The following UNC13A variants were observed in gnomAD, a reference collection of about 807,000 sequenced individuals.
UNC13A encodes protein unc-13 homolog A.
A neutral mutation model predicts 219.7 loss-of-function variants in UNC13A; 61 were observed. The observed-to-expected ratio is 0.28, with a 90% CI of 0.23 to 0.34. The LOEUF is 0.34. UNC13A is among the 10% of genes least tolerant of loss of function. The probability of loss-of-function intolerance (pLI) is 1.00; values close to 1 mark genes in which losing one functional copy is unlikely to be tolerated. For synonymous variants in UNC13A, 920 were observed against 884.6 expected, an observed-to-expected ratio of 1.04 and a Z score of -0.71; for missense variants, 1,476 against 2,270.3, an observed-to-expected ratio of 0.65 and a Z score of 7.11.
chr19:17,616,323 A>C, intron 41 of UNC13A: 1 of 653,736 alleles, frequency 1.5e-6, no homozygotes, highest in Middle Eastern at 3.0e-4. Context: ...AGGCAGAAGG[A>C]CGATCCTTTT....
intron 1 of UNC13A, among the ~76,000 whole-genome samples, chr19:17,680,932 G>A (rs1599419780): frequency 1.2e-5 from 1 of 86,264 alleles, no homozygotes; most frequent in African/African-American, 4.7e-5. Flanking sequence ...TCTCTCTGTT[G>A]CCCAGGCTCC....
intron 36 of UNC13A, 182 bp downstream of exon 36, chr19:17,623,360 C>T (rs2144972831): frequency 1.9e-6 from 1 of 524,592 alleles, no homozygotes; most frequent in Non-Finnish European, 3.3e-6. Flanking sequence ...CTCCCTCCCT[C>T]CCAGCCCCGC....
intron 38 of UNC13A, among the ~76,000 whole-genome samples, 190 bp downstream of exon 38, chr19:17,620,503 T>C (rs1426863519): frequency 4.0e-5 from 6 of 151,886 alleles, no homozygotes; most frequent in African/African-American, 1.5e-4. Flanking sequence ...GGGTACCCTC[T>C]GCCCTACCCA....
At chr19:17,640,948 G>T (rs185164323) in intron 21 of UNC13A, among the ~76,000 whole-genome samples, 2 of 146,810 alleles carry the variant, frequency 1.4e-5, no homozygotes, top group Non-Finnish European at 3.0e-5. Context: ...GCGCAATCTC[G>T]GCTCACTGCA....
At chr19:17,634,429 C>A (rs1215816028) in intron 26 of UNC13A, among the ~76,000 whole-genome samples, 2 of 152,056 alleles carry the variant, frequency 1.3e-5, no homozygotes, top group Admixed American at 1.3e-4. Flanking sequence ...ACCTCCACCA[C>A]CCGGGCTCAA....
intron 21 of UNC13A, among the ~76,000 whole-genome samples, chr19:17,640,880 C>CTTTTTTTTT (rs10531732): frequency 1.4e-5 from 2 of 139,756 alleles, no homozygotes; most frequent in Non-Finnish European, 3.1e-5. Context: ...TTCTTTCTTT[C>CTTTTTTTTT]TTTTTTTTTT....
intron 26 of UNC13A, among the ~76,000 whole-genome samples, chr19:17,634,049 C>G (rs2076886484): frequency 6.6e-6 from 1 of 152,160 alleles, no homozygotes; most frequent in African/African-American, 2.4e-5. Flanking sequence ...AACCACTCAT[C>G]TACCTGTTCA....
rs143327781 is a variant in UNC13A at position 17,687,647 on chromosome 19, G to T, written c.22+531C>A. Among the ~76,000 whole-genome samples the T allele has an allele frequency of 1.5e-3, 235 of 152,082 alleles. 1 individual carries two copies. The highest frequency in any genetic ancestry group is 3.1e-3 in the Admixed American group (47 of 15,266). On this transcript the variant is annotated intron_variant, in intron 1 of 43. Coordinates refer to ENST00000519716, the MANE Select transcript of UNC13A (RefSeq NM_001080421.3). ...GGCTGGGAGAGTCCTAGAACTCGTG[G>T]ATGCCCTGATGGCCAAGCCCCTCTA...
chr19:17,649,469 G>T lies in UNC13A; in HGVS notation c.1518+40C>A. On this transcript the variant is annotated intron_variant, in intron 13 of 43. Transcript: ENST00000519716. This position sits in a 1 kb window ranked among gnomAD's most constrained non-coding sequence, Gnocchi z 4.4. Reference sequence around the variant, plus strand: ...CACAGGTTGTGCACTGCTTATAGCAGGCCTGCTCTGCTCAGGGAGTAAAGG... The same window carrying T: ...CACAGGTTGTGCACTGCTTATAGCATGCCTGCTCTGCTCAGGGAGTAAAGG... The T allele has an allele frequency of 6.2e-7, 1 of 1,613,856 alleles. No individual in the cohort carries two copies. The highest frequency in any genetic ancestry group is 8.5e-7 in the Non-Finnish European group (1 of 1,179,790).
At chr19:17,616,120 CTT>C (rs768968412) in intron 41 of UNC13A, among the ~76,000 whole-genome samples, 4 of 152,192 alleles carry the variant, frequency 2.6e-5, no homozygotes, top group Non-Finnish European at 5.9e-5. Context: ...GAGCCCAGCT[CTT>C]AACCTGACAG....
At chr19:17,635,977 A>T in intron 26 of UNC13A, 47 bp downstream of exon 26, 1 of 1,576,328 alleles carries the variant, frequency 6.3e-7, no homozygotes, top group Non-Finnish European at 8.7e-7. Context: ...TTGTATACAT[A>T]CACACGATGA....
intron 9 of UNC13A, among the ~76,000 whole-genome samples, chr19:17,657,781 A>C (rs1420875921): frequency 6.6e-6 from 1 of 151,876 alleles, no homozygotes; most frequent in Non-Finnish European, 1.5e-5. Context: ...AGGCAGGAGA[A>C]TCGCTTGAGT....
At chr19:17,672,339 C>T (rs755063183) in intron 4 of UNC13A, 39 bp downstream of exon 4, 20 of 1,547,182 alleles carry the variant, frequency 1.3e-5, no homozygotes, top group Middle Eastern at 1.7e-4. Context: ...TTCTGCAAGG[C>T]ACTCCTCCTT....
chr19:17,603,510 C>A lies in UNC13A; in HGVS notation c.*2544G>T, dbSNP rs2076488672. ...CACATAAGCTTATCCCTGGCTACAACTTCCCAACCCTGTATGAGAATTTGC... is the reference window on the plus strand; with the variant it reads ...CACATAAGCTTATCCCTGGCTACAAATTCCCAACCCTGTATGAGAATTTGC... On this transcript the variant is annotated 3_prime_UTR_variant, in exon 44 of 44. Transcript: ENST00000519716. 1 of 152,282 alleles carries A rather than the reference C, an allele frequency of 6.6e-6. No individual in the cohort carries two copies. The highest frequency in any genetic ancestry group is 6.5e-5 in the Admixed American group (1 of 15,276). The allele number at this position is 152,282 out of a possible 1,614,324, so 9.4% of individuals were successfully genotyped here. A position where few individuals can be genotyped will look rare whatever the true frequency, so the allele number is the denominator to read the frequency against.
Position 17,688,312 on chromosome 19 carries a change from G to A in UNC13A, c.-113C>T. ...CTGCAGCCCGCGCTTGGCTCACGCC[G>A]GGGCCCGGCCGCCACCGGCCATCTT... On this transcript the variant is annotated 5_prime_UTR_variant, in exon 1 of 44. Coordinates refer to ENST00000519716, the MANE Select transcript of UNC13A (RefSeq NM_001080421.3). 2 of 1,329,702 alleles carry A rather than the reference G, an allele frequency of 1.5e-6. No individual in the cohort carries two copies. Among genetic ancestry groups the A allele is most frequent in the South Asian group, 2.1e-5 (1 of 48,074 alleles). The allele number at this position is 1,329,702 out of a possible 1,614,324, so 82.4% of individuals were successfully genotyped here.
intron 43 of UNC13A, among the ~76,000 whole-genome samples, chr19:17,607,655 C>T (rs1186651867): frequency 6.6e-6 from 1 of 151,878 alleles, no homozygotes; most frequent in African/African-American, 2.4e-5. Context: ...ACAATCATAG[C>T]TCATTGCAGC....
intron 20 of UNC13A, among the ~76,000 whole-genome samples, chr19:17,642,317 G>T (rs934186420): frequency 4.0e-5 from 6 of 151,398 alleles, no homozygotes; most frequent in Non-Finnish European, 7.4e-5. Flanking sequence ...ACTTTCAATA[G>T]TTCAATCATA....
At chr19:17,664,229 C>G (rs2079602786) in intron 7 of UNC13A, among the ~76,000 whole-genome samples, 1 of 152,130 alleles carries the variant, frequency 6.6e-6, no homozygotes, top group Non-Finnish European at 1.5e-5. Context: ...TCTCCCAGCT[C>G]TTGGATAAGG....
At chr19:17,639,952 T>C (rs1349829938) in intron 22 of UNC13A, 44 bp from the exon 23 acceptor site, 2 of 1,597,798 alleles carry the variant, frequency 1.3e-6, no homozygotes, top group Admixed American at 1.7e-5. Flanking sequence ...AGGCAGGACA[T>C]GGCCGCCATA....
Sources: allele counts gnomAD v4.1 joint callset (sites outside exome capture counted in the v4.1 genomes callset), GRCh38; gene constraint gnomAD v4.1.1; non-coding constraint Gnocchi (gnomAD v3.1); transcripts MANE v1.5; gene names NCBI Gene and HGNC (gene_info 2026-07-23, HGNC 2026-07-21).